Variants in NAP1L4 observed in about 807,000 individuals in gnomAD.
The protein encoded by NAP1L4 is nucleosome assembly protein 1 like 4.
In NAP1L4, 15 loss-of-function variants were observed where a neutral mutation model predicts 58.2. The ratio of observed to expected loss-of-function variants is 0.26; its 90% CI spans 0.17 to 0.40. The LOEUF is 0.40. Ranked by LOEUF, NAP1L4 falls within the 10% of genes least tolerant of loss-of-function variation. NAP1L4 has a pLI of 1.00. For missense variants in NAP1L4, 384 were observed against 451.1 expected, an observed-to-expected ratio of 0.85 and a Z score of 1.35; for synonymous variants, 171 against 155.6, an observed-to-expected ratio of 1.10 and a Z score of -0.74.
chr11:2,959,725 TTTGA>T lies in NAP1L4; in HGVS notation c.746+41_746+44del. 1 of 1,604,794 alleles carries T rather than the reference TTTGA, an allele frequency of 6.2e-7. No individual in the cohort carries two copies. Reference sequence around the variant, plus strand: ...TACCCATCAAGTTACAAAATTATCTTTTGATTTTGTTTCAGAAAAACAAGGTAGA... The same window carrying T: ...TACCCATCAAGTTACAAAATTATCTTTTTTGTTTCAGAAAAACAAGGTAGA... On this transcript the variant is annotated intron_variant, in intron 9 of 15. Coordinates refer to ENST00000380542, the MANE Select transcript of NAP1L4 (RefSeq NM_005969.4). The surrounding 1 kb of genome is among the most constrained non-coding windows in gnomAD (Gnocchi z 4.9).
intron 1 of NAP1L4, chr11:2,990,901 A>G (rs1019690004): frequency 7.7e-5 from 26 of 337,288 alleles, no homozygotes; most frequent in African/African-American, 4.9e-4. Context: ...TAACTTAGAA[A>G]GACTTACCTT....
Position 2,972,163 on chromosome 11 carries a change from T to A in NAP1L4, c.254A>T (p.Tyr85Phe). The change falls in exon 5 of 16, where the codon TAT becomes TTT. Residue 85 changes from tyrosine to phenylalanine, a missense_variant. By Grantham distance (22) the Tyr-to-Phe change is conservative (BLOSUM62 3). Around this residue, in one of 3 missense-constraint regions of NAP1L4, gnomAD observed 296 missense variants for 360.8 expected, o/e 0.82. Transcript: ENST00000380542. ...TCTTTCCAAGTCATGTACCTCTTCA[T>A]AGAACTTGGCTTCTATGTGAGCACA... ...VRCAHIEAKF[Y>F]EEVHDLERKY... is the part of the protein sequence containing the mutation. The A allele has an allele frequency of 6.2e-7, 1 of 1,607,982 alleles. No individual in the cohort carries two copies. Among genetic ancestry groups the A allele is most frequent in the Non-Finnish European group, 8.5e-7 (1 of 1,178,322 alleles).
chr11:2,967,351 G>A (rs1354700666), intron 7 of NAP1L4, among the ~76,000 whole-genome samples: 3 of 152,144 alleles, frequency 2.0e-5, no homozygotes, highest in Non-Finnish European at 2.9e-5. Context: ...GGTGGCTCAC[G>A]CCTGTAATCC....
Position 2,954,078 on chromosome 11 carries a change from CT to C in NAP1L4, c.1035+448del, listed in dbSNP as rs1259182092. ...TTGTTTTCTTCGGGAGCACGGGTTT[CT>C]TTTTTTTCCTTTTTACCTAATTAGA... On this transcript the variant is annotated intron_variant, in intron 12 of 15. Coordinates refer to ENST00000380542, the MANE Select transcript of NAP1L4 (RefSeq NM_005969.4). The surrounding 1 kb of genome is among the most constrained non-coding windows in gnomAD (Gnocchi z 4.8). 3.3e-5 allele frequency among the ~76,000 whole-genome samples: 5 copies of C among 152,052 alleles called. No individual in the cohort carries two copies. Among genetic ancestry groups the C allele is most frequent in the Non-Finnish European group, 7.4e-5 (5 of 67,946 alleles).
chr11:2,944,502 G>C lies in NAP1L4; in HGVS notation c.*1177C>G, dbSNP rs1425788028. 6.6e-6 allele frequency: 1 copy of C among 152,290 alleles called. No homozygotes were observed. Among genetic ancestry groups the C allele is most frequent in the Non-Finnish European group, 1.5e-5 (1 of 68,076 alleles). The allele number at this position is 152,290 out of a possible 1,614,324, so 9.4% of individuals were successfully genotyped here. Reference sequence around the variant, plus strand: ...GTACAAATTGAAAACACTGTATTCAGTTACAAATGTGTTCTAAGGTTAGGC... The same window carrying C: ...GTACAAATTGAAAACACTGTATTCACTTACAAATGTGTTCTAAGGTTAGGC... On this transcript the variant is annotated 3_prime_UTR_variant, in exon 16 of 16. Coordinates refer to ENST00000380542, the MANE Select transcript of NAP1L4 (RefSeq NM_005969.4).
rs1268687431 is a variant in NAP1L4, at chr11:2,976,015, C to T, written c.173+9G>A. 6.2e-7 allele frequency: 1 copy of T among 1,606,758 alleles called. No individual in the cohort carries two copies. The highest frequency in any genetic ancestry group is 1.1e-5 in the South Asian group (1 of 89,696). Reference sequence around the variant, plus strand: ...AAATTGCATGAGACCCTATTCACAGCACACTTACGTTTCGATGTAGCTGGA... The same window carrying T: ...AAATTGCATGAGACCCTATTCACAGTACACTTACGTTTCGATGTAGCTGGA... On this transcript the variant is annotated intron_variant, in intron 4 of 15. Transcript: ENST00000380542.
At chr11:2,990,986 C>A in intron 1 of NAP1L4, 2 of 399,044 alleles carry the variant, frequency 5.0e-6, no homozygotes, top group Non-Finnish European at 5.2e-6. Context: ...ATTTTCACCC[C>A]GTAAACCTAA....
intron 1 of NAP1L4, chr11:2,991,195 G>T (rs1206156589): frequency 1.3e-5 from 6 of 454,598 alleles, no homozygotes; most frequent in Non-Finnish European, 2.7e-5. Context: ...CAAGGCTGGA[G>T]TCCCCTTTAC....
chr11:2,954,291 T>A lies in NAP1L4; in HGVS notation c.1035+236A>T, dbSNP rs755803546. On this transcript the variant is annotated intron_variant, in intron 12 of 15. Transcript: ENST00000380542. The surrounding 1 kb of genome is among the most constrained non-coding windows in gnomAD (Gnocchi z 4.8). ...ACTAGGCAGGGCTCACATAGGAAAC[T>A]GGCAATCACCTCTGAAACTGCTTCA... 21 of 606,482 alleles carry A rather than the reference T, an allele frequency of 3.5e-5. No individual in the cohort carries two copies. Among genetic ancestry groups the A allele is most frequent in the Non-Finnish European group, 5.5e-5 (19 of 342,584 alleles). The allele number at this position is 606,482 out of a possible 1,614,324, so 37.6% of individuals were successfully genotyped here. A position where few individuals can be genotyped will look rare whatever the true frequency, so the allele number is the denominator to read the frequency against.
chr11:2,946,372 C>T lies in NAP1L4; in HGVS notation c.*33-726G>A, dbSNP rs1409776584. 6.6e-6 allele frequency among the ~76,000 whole-genome samples: 1 copy of T among 152,214 alleles called. No homozygotes were observed. The highest frequency in any genetic ancestry group is 6.5e-5 in the Admixed American group (1 of 15,280). On this transcript the variant is annotated intron_variant, in intron 15 of 15. Transcript: ENST00000380542. The surrounding 1 kb of genome is among the most constrained non-coding windows in gnomAD (Gnocchi z 4.8). ...GGATTAACTCCAATATTATCTAACA[C>T]AGAGATCTTGTACCCTTTAAACCAC...
chr11:2,958,230 T>A (rs900573890), intron 10 of NAP1L4, 169 bp downstream of exon 10: 2 of 734,444 alleles, frequency 2.7e-6, no homozygotes, highest in Admixed American at 4.0e-5. Flanking sequence ...CCCCCCGCGA[T>A]AAACTTGCCA....
At chr11:2,986,601 C>T (rs1163371553) in intron 1 of NAP1L4, among the ~76,000 whole-genome samples, 1 of 150,738 alleles carries the variant, frequency 6.6e-6, no homozygotes, top group African/African-American at 2.4e-5. Flanking sequence ...TCCTATATAT[C>T]CTACAAAATT....
At chr11:2,958,230 T>C (rs900573890) in intron 10 of NAP1L4, 169 bp downstream of exon 10, 8 of 734,326 alleles carry the variant, frequency 1.1e-5, no homozygotes, top group African/African-American at 1.7e-5. Flanking sequence ...CCCCCCGCGA[T>C]AAACTTGCCA....
intron 9 of NAP1L4, chr11:2,958,884 G>C (rs529307989): frequency 2.7e-5 from 7 of 261,006 alleles, no homozygotes; most frequent in Non-Finnish European, 5.1e-5. Context: ...GGTTTCCCAA[G>C]GAAGGAGGAG....
intron 1 of NAP1L4, chr11:2,991,117 T>C (rs1394220185): frequency 2.2e-6 from 1 of 456,090 alleles, no homozygotes; most frequent in Admixed American, 2.4e-5. Flanking sequence ...ATGGCGGACC[T>C]TCCTGCCAGA....
intron 6 of NAP1L4, among the ~76,000 whole-genome samples, 181 bp from the exon 7 acceptor site, chr11:2,970,115 AG>A (rs1847550989): frequency 6.6e-6 from 1 of 152,210 alleles, no homozygotes; most frequent in African/African-American, 2.4e-5. Flanking sequence ...CTGAGGAAAA[AG>A]CATTCAAGTC....
chr11:2,963,098 CAAAA>C (rs55650724), intron 8 of NAP1L4, among the ~76,000 whole-genome samples: 4 of 97,088 alleles, frequency 4.1e-5, no homozygotes, highest in Non-Finnish European at 2.0e-5. Context: ...GACTCGGTCT[CAAAA>C]AAAAAAAAAA....
chr11:2,991,498 G>C (rs1432965250), intron 1 of NAP1L4, among the ~76,000 whole-genome samples: 3 of 152,040 alleles, frequency 2.0e-5, no homozygotes, highest in South Asian at 2.1e-4. Context: ...ATAGTAAACA[G>C]ACTTGCTGCC....
intron 1 of NAP1L4, among the ~76,000 whole-genome samples, chr11:2,985,945 T>A (rs2078277389): frequency 6.6e-6 from 1 of 152,252 alleles, no homozygotes; most frequent in African/African-American, 2.4e-5. Context: ...GTAACAATCC[T>A]ATTTATGGAT....
Sources: allele counts gnomAD v4.1 joint callset (sites outside exome capture counted in the v4.1 genomes callset), GRCh38; gene constraint gnomAD v4.1.1; regional missense constraint gnomAD v4.1.1; non-coding constraint Gnocchi (gnomAD v3.1); transcripts MANE v1.5; gene names NCBI Gene and HGNC (gene_info 2026-07-23, HGNC 2026-07-21).